The following MED27 variants were observed in gnomAD, a reference collection of about 807,000 sequenced individuals.
MED27 encodes the protein mediator complex subunit 27, also known as mediator of RNA polymerase II transcription subunit 27.
MED27 carries 30 observed loss-of-function variants against 38.2 expected under a neutral mutation model. The observed-to-expected ratio is 0.79, with a 90% CI of 0.59 to 1.07. The LOEUF (loss-of-function observed/expected upper bound fraction) is 1.07. MED27 is among the 50% of genes least tolerant of loss of function. MED27 has a pLI of 0.00. For synonymous variants in MED27, 122 were observed against 153.5 expected (o/e 0.79, Z 1.52); for missense variants, 289 against 397.5 (o/e 0.73, Z 2.32).
intron 2 of MED27, among the ~76,000 whole-genome samples, chr9:132,015,940 A>G (rs1832592459): frequency 6.6e-6 from 1 of 152,254 alleles, no homozygotes; most frequent in Non-Finnish European, 1.5e-5. Flanking sequence ...CAGATTAAGC[A>G]AGGTCTTTCA....
intron 2 of MED27, among the ~76,000 whole-genome samples, chr9:132,063,131 G>A (rs1371136805): frequency 6.6e-6 from 1 of 152,190 alleles, no homozygotes; most frequent in African/African-American, 2.4e-5. Flanking sequence ...GAGGAGATGG[G>A]AGATGCAGTC....
intron 2 of MED27, among the ~76,000 whole-genome samples, chr9:132,038,253 G>A (rs1247245187): frequency 3.4e-5 from 5 of 146,404 alleles, no homozygotes; most frequent in Non-Finnish European, 7.5e-5. Flanking sequence ...GTGCAGTGGC[G>A]GGATCTCGGC....
intron 3 of MED27, among the ~76,000 whole-genome samples, chr9:131,954,812 A>AT (rs1564297977): frequency 1.3e-5 from 2 of 152,124 alleles, no homozygotes; most frequent in East Asian, 1.9e-4. Flanking sequence ...AATTATTATT[A>AT]TTTTTTTAAA....
rs992072585 is a variant in MED27, at chr9:131,868,930, C to T, written c.724-5790G>A. 1.8e-5 allele frequency: 18 copies of T among 985,328 alleles called. No individual in the cohort carries two copies. The South Asian group carries it at 1.9e-4, about 10-fold the overall frequency. The allele number at this position is 985,328 out of a possible 1,614,324, so 61.0% of individuals were successfully genotyped here. On this transcript the variant is annotated intron_variant, in intron 6 of 7. Transcript: ENST00000292035. ...TAGAAAGTGTCCTCTTCAGAGGCGG[C>T]GGGAGCCATGCGCCACAGCCCTGCT...
chr9:132,035,226 T>C (rs1486915145), intron 2 of MED27, among the ~76,000 whole-genome samples: 2 of 152,182 alleles, frequency 1.3e-5, no homozygotes, highest in South Asian at 2.1e-4. Flanking sequence ...TACCTGCAGG[T>C]TGAATTACAA....
At chr9:132,011,949 C>CTTT (rs55947789) in intron 3 of MED27, among the ~76,000 whole-genome samples, 2 of 138,570 alleles carry the variant, frequency 1.4e-5, no homozygotes, top group Non-Finnish European at 1.6e-5. Context: ...ACCTCTCGCT[C>CTTT]TTTTTTTTTT....
At chr9:131,969,975 G>A (rs935208276) in intron 3 of MED27, among the ~76,000 whole-genome samples, 3 of 152,118 alleles carry the variant, frequency 2.0e-5, no homozygotes, top group Non-Finnish European at 4.4e-5. Flanking sequence ...CTGGGGGGGG[G>A]TGGGGGCATA....
intron 3 of MED27, among the ~76,000 whole-genome samples, chr9:131,942,381 C>T (rs529366264): frequency 1.3e-5 from 2 of 152,308 alleles, no homozygotes; most frequent in African/African-American, 4.8e-5. Flanking sequence ...TATACCAGGT[C>T]ACTGGAAACA....
intron 3 of MED27, among the ~76,000 whole-genome samples, chr9:131,940,938 C>T (rs898154936): frequency 6.6e-6 from 1 of 152,208 alleles, no homozygotes; most frequent in African/African-American, 2.4e-5. Context: ...AGAACTGGCA[C>T]ATATAAAGGA....
chr9:132,047,985 T>G (rs1006171829), intron 2 of MED27, among the ~76,000 whole-genome samples: 28 of 152,172 alleles, frequency 1.8e-4, no homozygotes, highest in Non-Finnish European at 5.9e-5. Flanking sequence ...TGGGAGTTAT[T>G]TATATCCTAC....
At chr9:132,006,998 C>A (rs919476097) in intron 3 of MED27, among the ~76,000 whole-genome samples, 9 of 152,192 alleles carry the variant, frequency 5.9e-5, no homozygotes, top group African/African-American at 2.2e-4. Flanking sequence ...AGTCAATGAT[C>A]TTCTTGGGAA....
At chr9:131,921,546 G>A (rs1034335107) in intron 4 of MED27, among the ~76,000 whole-genome samples, 3 of 152,212 alleles carry the variant, frequency 2.0e-5, no homozygotes, top group African/African-American at 7.2e-5. Flanking sequence ...AGAGAATGTG[G>A]AGAAATAGGA....
At position 131,982,142 on chromosome 9, in the gene MED27, G is replaced by C. The variant is rs545089656; in HGVS notation, c.479+32195C>G. 1.3e-5 allele frequency among the ~76,000 whole-genome samples: 2 copies of C among 152,178 alleles called. No individual in the cohort carries two copies. Among genetic ancestry groups the C allele is most frequent in the Non-Finnish European group, 1.5e-5 (1 of 68,034 alleles). On this transcript the variant is annotated intron_variant, in intron 3 of 7. Coordinates refer to ENST00000292035, the MANE Select transcript of MED27 (RefSeq NM_004269.4). The surrounding 1 kb of genome is among the most constrained non-coding windows in gnomAD (Gnocchi z 4.3). ...TGTGGAGTCTCCTCCCCTTGAGTCTGGGACAGTCTTGTGACTTGCTTTAAA... is the reference window on the plus strand; with the variant it reads ...TGTGGAGTCTCCTCCCCTTGAGTCTCGGACAGTCTTGTGACTTGCTTTAAA...
intron 4 of MED27, among the ~76,000 whole-genome samples, chr9:131,936,366 C>T (rs1226879693): frequency 1.3e-5 from 2 of 152,150 alleles, no homozygotes; most frequent in Non-Finnish European, 1.5e-5. Context: ...ACCTCGAGGG[C>T]CACAGTGAGG....
intron 2 of MED27, among the ~76,000 whole-genome samples, chr9:132,065,695 C>T (rs1833795281): frequency 6.6e-6 from 1 of 152,250 alleles, no homozygotes; most frequent in African/African-American, 2.4e-5. Context: ...AAGCTATGTC[C>T]ATGCCCGGGC....
Position 131,894,325 on chromosome 9 carries a change from C to T in MED27, c.574-333G>A, listed in dbSNP as rs563600878. The stretch of plus-strand genomic sequence containing the variant: ...ATTTTAAGATTTTCTTTTTCAAAGG[C>T]GAGGATTCTACAATTCTGGCAATTA... On this transcript the variant is annotated intron_variant, in intron 4 of 7. Transcript: ENST00000292035. Among the ~76,000 whole-genome samples the T allele has an allele frequency of 1.3e-4, 20 of 152,172 alleles. 1 individual carries two copies. The South Asian group carries it at 3.7e-3, about 28-fold the overall frequency.
chr9:132,035,187 C>T (rs1414893690), intron 2 of MED27, among the ~76,000 whole-genome samples: 9 of 152,208 alleles, frequency 5.9e-5, no homozygotes, highest in Non-Finnish European at 1.3e-4. Flanking sequence ...CAAAGTCACA[C>T]AGCTGATCCC....
intron 6 of MED27, among the ~76,000 whole-genome samples, chr9:131,876,827 C>G (rs1412250379): frequency 6.6e-6 from 1 of 152,206 alleles, no homozygotes; most frequent in African/African-American, 2.4e-5. Flanking sequence ...CTTTGTCTTG[C>G]TACATGAAGC....
intron 6 of MED27, among the ~76,000 whole-genome samples, chr9:131,875,197 C>A (rs1170003875): frequency 1.4e-4 from 21 of 152,202 alleles, no homozygotes; most frequent in African/African-American, 4.3e-4. Context: ...ACCCAGGATC[C>A]TGCCTACATC....
Sources: allele counts gnomAD v4.1 joint callset (sites outside exome capture counted in the v4.1 genomes callset), GRCh38; gene constraint gnomAD v4.1.1; non-coding constraint Gnocchi (gnomAD v3.1); transcripts MANE v1.5; gene names NCBI Gene and HGNC (gene_info 2026-07-23, HGNC 2026-07-21).